Variants in LMLN observed in about 807,000 individuals in gnomAD.
LMLN encodes leishmanolysin like peptidase, also known as leishmanolysin-like peptidase.
A neutral mutation model predicts 92.3 loss-of-function variants in LMLN; 70 were observed. The ratio of observed to expected loss-of-function variants is 0.76; its 90% confidence interval spans 0.63 to 0.92. LMLN has a LOEUF of 0.92. LMLN is among the 40% of genes least tolerant of loss of function. The probability of loss-of-function intolerance (pLI) is 0.00; values close to 1 mark genes in which losing one functional copy is unlikely to be tolerated. For missense variants in LMLN, 691 were observed against 814.6 expected (o/e 0.85, Z 1.85); for synonymous variants, 308 against 296.2 (o/e 1.04, Z -0.41).
chr3:197,972,863 G>T (rs1197192752), intron 1 of LMLN, among the ~76,000 whole-genome samples: 4 of 152,114 alleles, frequency 2.6e-5, no homozygotes, highest in Non-Finnish European at 4.4e-5. Context: ...ATATTTGACT[G>T]GGTTTCATAT....
At position 198,019,708 on chromosome 3, in the gene LMLN, T is replaced by C. The variant is rs1415712749; in HGVS notation, c.1365+323T>C. Among the ~76,000 whole-genome samples the C allele has an allele frequency of 2.6e-5, 4 of 152,214 alleles. No homozygotes were observed. The highest frequency in any genetic ancestry group is 5.9e-5 in the Non-Finnish European group (4 of 68,038). ...TAATTTACACAGAAAAAGAAATCTT[T>C]AAAGAAAATAACTTAAGTACTCCAA... is the stretch of plus-strand genomic sequence containing the variant. On this transcript the variant is annotated intron_variant, in intron 12 of 15. Coordinates refer to ENST00000330198, the Ensembl canonical transcript of LMLN. This position sits in a 1 kb window ranked among gnomAD's most constrained non-coding sequence, Gnocchi z 5.5.
chr3:197,999,191 A>C (rs76546967), intron 10 of LMLN, 75 bp from the exon 11 acceptor site: 6 of 992,802 alleles, frequency 6.0e-6, no homozygotes, highest in Non-Finnish European at 9.7e-6. Flanking sequence ...TTAAATATGT[A>C]TATCAGAGGA....
intron 1 of LMLN, among the ~76,000 whole-genome samples, chr3:197,971,261 T>TA (rs1721215349): frequency 6.6e-6 from 1 of 152,128 alleles, no homozygotes; most frequent in Non-Finnish European, 1.5e-5. Context: ...TCAGGAAACT[T>TA]ACAATCATGG....
At position 198,023,869 on chromosome 3, in the gene LMLN, C is replaced by T. The variant is rs573079800; in HGVS notation, c.1526-789C>T. Among the ~76,000 whole-genome samples, 11 of 152,316 alleles carry T rather than the reference C, an allele frequency of 7.2e-5. No individual in the cohort carries two copies. The East Asian group carries it at 1.9e-3, about 27-fold the overall frequency. On this transcript the variant is annotated intron_variant, in intron 13 of 15. Coordinates refer to ENST00000330198, the Ensembl canonical transcript of LMLN. Reference sequence around the variant, plus strand: ...TAAAGTAATGCGAAAACCGCAATTACTTCTGCACCAGCCTAATATTTGTGG... The same window carrying T: ...TAAAGTAATGCGAAAACCGCAATTATTTCTGCACCAGCCTAATATTTGTGG...
chr3:197,982,962 C>T (rs753541177), intron 6 of LMLN, among the ~76,000 whole-genome samples: 3 of 152,186 alleles, frequency 2.0e-5, no homozygotes, highest in Non-Finnish European at 4.4e-5. Context: ...AGGACAGGTG[C>T]TTTGACAGGC....
At chr3:197,992,890 A>T (rs1231120542) in intron 9 of LMLN, among the ~76,000 whole-genome samples, 3 of 152,160 alleles carry the variant, frequency 2.0e-5, no homozygotes, top group African/African-American at 7.2e-5. Flanking sequence ...TTCCAACAAG[A>T]TACTAACAAG....
chr3:198,010,542 C>T (rs1234992243), intron 11 of LMLN, among the ~76,000 whole-genome samples: 1 of 152,114 alleles, frequency 6.6e-6, no homozygotes, highest in Admixed American at 6.6e-5. Flanking sequence ...CCTTGACCTC[C>T]TGGGCTCAAG....
At chr3:197,961,981 C>T (rs1224224423) in intron 1 of LMLN, among the ~76,000 whole-genome samples, 1 of 152,130 alleles carries the variant, frequency 6.6e-6, no homozygotes. Flanking sequence ...CCGCAGCCCC[C>T]TACTTGAGTT....
At chr3:198,020,606 A>AT (rs1370302479) in intron 12 of LMLN, among the ~76,000 whole-genome samples, 1 of 151,496 alleles carries the variant, frequency 6.6e-6, no homozygotes. Flanking sequence ...TTATTTATTT[A>AT]TTTTTGGAGA....
chr3:197,996,239 G>A, exon 10 of LMLN: 2 of 1,606,046 alleles, frequency 1.2e-6, no homozygotes, highest in Non-Finnish European at 1.7e-6. Flanking sequence ...AATCAAGGTG[G>A]TGTGGGCACT....
intron 14 of LMLN, among the ~76,000 whole-genome samples, chr3:198,026,022 C>T (rs1209069523): frequency 6.6e-6 from 1 of 151,518 alleles, no homozygotes; most frequent in African/African-American, 2.4e-5. Flanking sequence ...ATGGTGCGAT[C>T]ACGCTCACTG....
At chr3:198,033,421 T>A (rs904855110) in intron 14 of LMLN, among the ~76,000 whole-genome samples, 1 of 151,198 alleles carries the variant, frequency 6.6e-6, no homozygotes, top group Admixed American at 6.6e-5. Flanking sequence ...TTATTTTTAT[T>A]ATCTTTTTTT....
chr3:197,985,935 G>A, intron 8 of LMLN, 45 bp downstream of exon 8: 1 of 1,145,048 alleles, frequency 8.7e-7, no homozygotes, highest in Non-Finnish European at 1.3e-6. Flanking sequence ...TTAGGAGGGT[G>A]CTAAGACTAG....
rs1272591973 is a variant in LMLN, at chr3:198,019,964, G to A, written c.1365+579G>A. Among the ~76,000 whole-genome samples the A allele has an allele frequency of 6.6e-6, 1 of 152,074 alleles. No individual in the cohort carries two copies. On this transcript the variant is annotated intron_variant, in intron 12 of 15. Coordinates refer to ENST00000330198, the Ensembl canonical transcript of LMLN. The surrounding 1 kb of genome is among the most constrained non-coding windows in gnomAD (Gnocchi z 5.5). ...CAGCCTCCCCTTACCAGATTCAAGC[G>A]ATTCTTGTGCCTCAGCCTCCCGAGT...
intron 7 of LMLN, among the ~76,000 whole-genome samples, chr3:197,984,990 C>T (rs1721663817): frequency 6.6e-6 from 1 of 152,100 alleles, no homozygotes; most frequent in Admixed American, 6.5e-5. Context: ...TCTGCTGCCG[C>T]TTCTGATAAC....
intron 6 of LMLN, among the ~76,000 whole-genome samples, chr3:197,981,497 T>C (rs1337055080): frequency 1.3e-5 from 2 of 152,244 alleles, no homozygotes; most frequent in Non-Finnish European, 2.9e-5. Context: ...TGAAGAAAGG[T>C]GTTAATAATG....
Position 198,012,661 on chromosome 3 carries a change from C to A in LMLN, c.1233-6592C>A, listed in dbSNP as rs1169889736. 1.1e-3 allele frequency among the ~76,000 whole-genome samples: 170 copies of A among 151,444 alleles called. 2 individuals carry two copies. The highest frequency in any genetic ancestry group is 3.8e-3 in the African/African-American group (158 of 41,200). ...CTGACTTCTCTCCACCCTTCAGAGT[C>A]CCCTAACTAGTCTGACTTCTCTGTA... On this transcript the variant is annotated intron_variant, in intron 11 of 15. Transcript: ENST00000330198.
chr3:197,984,271 G>A (rs1253445139), intron 7 of LMLN, among the ~76,000 whole-genome samples: 3 of 152,172 alleles, frequency 2.0e-5, no homozygotes, highest in Admixed American at 1.3e-4. Context: ...GGAGGCTGAG[G>A]TGGGAGGATG....
chr3:198,018,233 T>C (rs1722692049), intron 11 of LMLN, among the ~76,000 whole-genome samples: 1 of 152,230 alleles, frequency 6.6e-6, no homozygotes, highest in African/African-American at 2.4e-5. Flanking sequence ...AAGTAACTGA[T>C]TAACAACTAT....
Sources: allele counts gnomAD v4.1 joint callset (sites outside exome capture counted in the v4.1 genomes callset), GRCh38; gene constraint gnomAD v4.1.1; non-coding constraint Gnocchi (gnomAD v3.1); transcripts MANE v1.5; gene names NCBI Gene and HGNC (gene_info 2026-07-23, HGNC 2026-07-21).